Variants in ADAMTS17 observed in about 807,000 individuals in gnomAD.
ADAMTS17 encodes A disintegrin and metalloproteinase with thrombospondin motifs 17.
In ADAMTS17, 113 loss-of-function variants were observed where a neutral mutation model predicts 141.5. The observed-to-expected ratio is 0.80, with a 90% CI of 0.69 to 0.93. The LOEUF is 0.93. ADAMTS17 is among the 40% of genes least tolerant of loss of function. The pLI, the probability that ADAMTS17 is intolerant of heterozygous loss-of-function variation, is 0.00. For missense variants in ADAMTS17, 1,659 were observed against 1,517.9 expected, an observed-to-expected ratio of 1.09 and a Z score of -1.54; for synonymous variants, 768 against 630.6, an observed-to-expected ratio of 1.22 and a Z score of -3.27.
chr15:100,334,676 C>T (rs1361773087), intron 2 of ADAMTS17, among the ~76,000 whole-genome samples: 1 of 152,244 alleles, frequency 6.6e-6, no homozygotes, highest in African/African-American at 2.4e-5. Context: ...TCCCAACCTG[C>T]ACCCCTTCTG....
Position 100,089,683 on chromosome 15 carries a change from G to A in ADAMTS17, c.2137+6673C>T, listed in dbSNP as rs964204578. ...AATGATGAGTTCATGTCCTTTGTAGGGACATGGATGAAGCTGGAAACCATC... is the reference window on the plus strand; with the variant it reads ...AATGATGAGTTCATGTCCTTTGTAGAGACATGGATGAAGCTGGAAACCATC... On this transcript the variant is annotated intron_variant, in intron 15 of 21. Coordinates refer to ENST00000268070, the MANE Select transcript of ADAMTS17 (RefSeq NM_139057.4). 2.6e-5 allele frequency among the ~76,000 whole-genome samples: 4 copies of A among 151,820 alleles called. 1 individual carries two copies. Among genetic ancestry groups the A allele is most frequent in the African/African-American group, 7.3e-5 (3 of 41,278 alleles).
intron 12 of ADAMTS17, among the ~76,000 whole-genome samples, chr15:100,127,753 C>A (rs796749379): frequency 1.4e-5 from 2 of 147,374 alleles, no homozygotes; most frequent in Admixed American, 1.4e-4. Context: ...GGCTAATTTT[C>A]GTACTTTTAG....
chr15:100,240,014 C>A (rs1454562702), intron 7 of ADAMTS17, among the ~76,000 whole-genome samples: 1 of 152,172 alleles, frequency 6.6e-6, no homozygotes, highest in East Asian at 1.9e-4. Context: ...CAGAATGTGC[C>A]CAACCCCAAC....
Position 99,997,520 on chromosome 15 carries a change from G to A in ADAMTS17, c.2661C>T (p.Thr887=). The A allele has an allele frequency of 6.2e-7, 1 of 1,613,692 alleles. No individual in the cohort carries two copies. The change falls in exon 19 of 22, where the codon ACC becomes ACT. Residue 887 remains threonine, a synonymous_variant. Transcript: ENST00000268070. This position sits in a 1 kb window ranked among gnomAD's most constrained non-coding sequence, Gnocchi z 4.7. ...TGCCGTTCTGCAGCTGGTACACGCA[G>A]GTCACCTCCCGGTGCTGGAAGCCTT... ...CEKGFQHREV[T]CVYQLQNGTH...
chr15:100,028,002 A>G (rs1038397201), intron 18 of ADAMTS17, among the ~76,000 whole-genome samples: 3 of 152,170 alleles, frequency 2.0e-5, no homozygotes, highest in Non-Finnish European at 4.4e-5. Flanking sequence ...TACCCAGAGA[A>G]GTCACATGAC....
In ADAMTS17 at chr15:100,341,168, G is replaced by C. The variant is rs1418201774; in HGVS notation, c.321C>G (p.Phe107Leu). The part of the protein sequence containing the change: ...RRDLRFLSRG[F>L]EVEEAGAARR... ...GGGCCGCGCCCGCCTCCTCCACCTCGAAGCCTCGGGACAGGAAGCGCAGGT... is the reference window on the plus strand; with the variant it reads ...GGGCCGCGCCCGCCTCCTCCACCTCCAAGCCTCGGGACAGGAAGCGCAGGT... The change falls in exon 2 of 22, where the codon TTC becomes TTG. Residue 107 changes from phenylalanine (F) to leucine (L), a missense_variant. By Grantham distance (22) the Phe-to-Leu change is conservative (BLOSUM62 0). Coordinates refer to ENST00000268070, the MANE Select transcript of ADAMTS17 (RefSeq NM_139057.4). 3 of 1,460,394 alleles carry C rather than the reference G, an allele frequency of 2.1e-6. No homozygotes were observed. The highest frequency in any genetic ancestry group is 1.5e-5 in the African/African-American group (1 of 67,094). 90.5% of individuals were successfully genotyped at this position (1,460,394 alleles called of 1,614,324 possible).
chr15:100,144,395 C>A (rs1449534411), intron 10 of ADAMTS17, among the ~76,000 whole-genome samples: 3 of 152,014 alleles, frequency 2.0e-5, no homozygotes, highest in Non-Finnish European at 2.9e-5. Flanking sequence ...ACTAAAAATA[C>A]AAAAATTAGC....
chr15:99,976,117 G>A lies in ADAMTS17; in HGVS notation c.3055C>T (p.Pro1019Ser). 1 of 1,551,486 alleles carries A rather than the reference G, an allele frequency of 6.4e-7. No homozygotes were observed. The highest frequency in any genetic ancestry group is 8.7e-7 in the Non-Finnish European group (1 of 1,146,986). ...ACCTCCTGGTAGCACTGTCTGTAGG[G>A]GGCAGGCTTCGAGAGGGCGGGGCAC... ...SECPALSKPA[P>S]YRQCYQEVCN... The change falls in exon 21 of 22, where the codon CCC (proline) becomes TCC (serine). Residue 1019 changes from proline (P) to serine (S), a missense_variant. Coordinates refer to ENST00000268070, the MANE Select transcript of ADAMTS17 (RefSeq NM_139057.4).
intron 18 of ADAMTS17, among the ~76,000 whole-genome samples, chr15:100,023,288 G>C (rs1315169690): frequency 6.6e-6 from 1 of 151,548 alleles, no homozygotes; most frequent in Non-Finnish European, 1.5e-5. Context: ...TGCAACCTCT[G>C]TCTCCTGGGT....
intron 15 of ADAMTS17, chr15:100,074,132 T>G (rs1434712034): frequency 6.5e-6 from 1 of 153,136 alleles, no homozygotes; most frequent in Non-Finnish European, 1.5e-5. Flanking sequence ...AGACCTGACC[T>G]TGCTTAGCTT....
intron 7 of ADAMTS17, among the ~76,000 whole-genome samples, chr15:100,216,648 G>A (rs1416176189): frequency 6.6e-6 from 1 of 152,080 alleles, no homozygotes; most frequent in Admixed American, 6.6e-5. Flanking sequence ...CCTTTTTCCC[G>A]ATGCTGACAC....
At chr15:100,116,148 A>AAAAAAAAAAC (rs2037112036) in intron 13 of ADAMTS17, among the ~76,000 whole-genome samples, 1 of 142,424 alleles carries the variant, frequency 7.0e-6, no homozygotes, top group Non-Finnish European at 1.5e-5. Context: ...AAAAAAAAAA[A>AAAAAAAAAAC]AAAAAAAAAA....
chr15:100,069,948 C>T (rs1477111785), intron 15 of ADAMTS17, among the ~76,000 whole-genome samples: 1 of 150,164 alleles, frequency 6.7e-6, no homozygotes, highest in African/African-American at 2.5e-5. Context: ...CACAGACTAG[C>T]AAACTGGATA....
chr15:100,059,671 A>G (rs1015669504), intron 15 of ADAMTS17, among the ~76,000 whole-genome samples: 1 of 152,164 alleles, frequency 6.6e-6, no homozygotes, highest in Non-Finnish European at 1.5e-5. Flanking sequence ...CCCAAGAACA[A>G]TGACTTCATG....
chr15:100,156,275 C>T (rs182349140), intron 8 of ADAMTS17, among the ~76,000 whole-genome samples: 1 of 152,296 alleles, frequency 6.6e-6, no homozygotes, highest in African/African-American at 2.4e-5. Context: ...GACCATCTTC[C>T]GTCAGCAACC....
chr15:100,315,846 G>A (rs2045549790), intron 3 of ADAMTS17, among the ~76,000 whole-genome samples: 1 of 152,202 alleles, frequency 6.6e-6, no homozygotes, highest in South Asian at 2.1e-4. Flanking sequence ...ATTTCCAATT[G>A]TCTCCAGATC....
intron 7 of ADAMTS17, among the ~76,000 whole-genome samples, chr15:100,253,827 G>A (rs942586049): frequency 6.6e-6 from 1 of 152,090 alleles, no homozygotes; most frequent in East Asian, 1.9e-4. Flanking sequence ...CTGCCTGGGT[G>A]ACCAAAATGC....
chr15:100,126,174 C>T (rs189959188), intron 12 of ADAMTS17: 164 of 152,354 alleles, frequency 1.1e-3, no homozygotes, highest in African/African-American at 3.8e-3. Context: ...CTTCATAAAA[C>T]ACGCCACATC....
chr15:100,139,595 C>T (rs1380584706), intron 10 of ADAMTS17, among the ~76,000 whole-genome samples: 1 of 152,204 alleles, frequency 6.6e-6, no homozygotes, highest in African/African-American at 2.4e-5. Flanking sequence ...CAGTAAGTTA[C>T]GGTGGAGTAT....
Sources: allele counts gnomAD v4.1 joint callset (sites outside exome capture counted in the v4.1 genomes callset), GRCh38; gene constraint gnomAD v4.1.1; non-coding constraint Gnocchi (gnomAD v3.1); transcripts MANE v1.5; gene names NCBI Gene and HGNC (gene_info 2026-07-23, HGNC 2026-07-21).